SLC9A9: variants seen among roughly 807,000 people sequenced by gnomAD.
SLC9A9 encodes the protein sodium/hydrogen exchanger 9.
Under a neutral mutation model 77.8 loss-of-function variants are expected in SLC9A9, and 62 were observed. The ratio of observed to expected loss-of-function variants is 0.80; its 90% CI spans 0.65 to 0.98. The LOEUF (loss-of-function observed/expected upper bound fraction) is 0.98, where lower values mean the gene tolerates loss of function less well. Ranked by LOEUF, SLC9A9 falls within the 50% of genes least tolerant of loss-of-function variation. The pLI is 0.00. For synonymous variants in SLC9A9, 320 were observed against 283.5 expected, an observed-to-expected ratio of 1.13 and a Z score of -1.29; for missense variants, 775 against 774.9, an observed-to-expected ratio of 1.00 and a Z score of 0.00.
At chr3:143,560,239 C>T (rs755210705) in intron 8 of SLC9A9, among the ~76,000 whole-genome samples, 13 of 152,150 alleles carry the variant, frequency 8.5e-5, no homozygotes, top group Admixed American at 3.3e-4. Context: ...TCCATGATGC[C>T]GGCCCTTGGA....
intron 14 of SLC9A9, among the ~76,000 whole-genome samples, chr3:143,277,498 T>C (rs1938086230): frequency 6.6e-6 from 1 of 152,230 alleles, no homozygotes; most frequent in South Asian, 2.1e-4. Flanking sequence ...CATAGTGCCA[T>C]GGTAACAATA....
Position 143,730,502 on chromosome 3 carries a change from T to C in SLC9A9, c.534-37195A>G, listed in dbSNP as rs76117442. Among the ~76,000 whole-genome samples, 1,099 of 152,324 alleles carry C rather than the reference T, an allele frequency of 7.2e-3. 8 individuals are homozygous for C. The highest frequency in any genetic ancestry group is 0.025 in the African/African-American group (1,031 of 41,570). ...TTCCTACTGCCTAGAACATCCTTTCTTCTGGCCAAGTTCTGATCATTCTCT... is the reference window on the plus strand; with the variant it reads ...TTCCTACTGCCTAGAACATCCTTTCCTCTGGCCAAGTTCTGATCATTCTCT... On this transcript the variant is annotated intron_variant, in intron 4 of 15. Coordinates refer to ENST00000316549, the MANE Select transcript of SLC9A9 (RefSeq NM_173653.4).
intron 12 of SLC9A9, among the ~76,000 whole-genome samples, chr3:143,405,298 T>C (rs1375310742): frequency 6.6e-6 from 1 of 152,188 alleles, no homozygotes; most frequent in East Asian, 1.9e-4. Context: ...CCATTCCAAG[T>C]CAACTCTCTT....
At chr3:143,644,332 T>G in intron 6 of SLC9A9, among the ~76,000 whole-genome samples, 1 of 152,260 alleles carries the variant, frequency 6.6e-6, no homozygotes, top group African/African-American at 2.4e-5. Context: ...TAGGCCAATT[T>G]GTCACGCATG....
chr3:143,572,909 A>G (rs567190147), intron 8 of SLC9A9, among the ~76,000 whole-genome samples: 2 of 152,318 alleles, frequency 1.3e-5, no homozygotes, highest in East Asian at 3.9e-4. Context: ...TGGGGCTCCA[A>G]CTACTTCCTT....
At chr3:143,344,408 T>G (rs183090634) in intron 14 of SLC9A9, 4 of 152,308 alleles carry the variant, frequency 2.6e-5, no homozygotes, top group Admixed American at 2.6e-4. Context: ...TCTGTATTAC[T>G]CTCTGCTTTG....
intron 9 of SLC9A9, among the ~76,000 whole-genome samples, chr3:143,513,421 T>C (rs1371596144): frequency 6.6e-6 from 1 of 152,230 alleles, no homozygotes; most frequent in Non-Finnish European, 1.5e-5. Flanking sequence ...TTTTTAATTC[T>C]ATTTCTCTTG....
chr3:143,835,072 A>C (rs937572132), intron 1 of SLC9A9, among the ~76,000 whole-genome samples: 1 of 152,150 alleles, frequency 6.6e-6, no homozygotes, highest in African/African-American at 2.4e-5. Flanking sequence ...AATCTTGCCA[A>C]ACTTTTCCTA....
At chr3:143,699,748 T>G (rs1933742172) in intron 4 of SLC9A9, among the ~76,000 whole-genome samples, 1 of 152,094 alleles carries the variant, frequency 6.6e-6, no homozygotes, top group Non-Finnish European at 1.5e-5. Flanking sequence ...AAAGGCAGTC[T>G]AGGGTACAAG....
chr3:143,341,510 AAC>A (rs1334432035), intron 14 of SLC9A9, among the ~76,000 whole-genome samples: 1 of 152,168 alleles, frequency 6.6e-6, no homozygotes, highest in African/African-American at 2.4e-5. Flanking sequence ...CTGTGAATTT[AAC>A]ACACTTTTCA....
chr3:143,497,405 G>A (rs560795184), intron 9 of SLC9A9, among the ~76,000 whole-genome samples: 10 of 152,216 alleles, frequency 6.6e-5, no homozygotes, highest in Admixed American at 4.6e-4. Flanking sequence ...CACTCAAATC[G>A]GTGCATTTCT....
Position 143,563,583 on chromosome 3 carries a change from A to G in SLC9A9, c.1000+10505T>C, listed in dbSNP as rs148949706. On this transcript the variant is annotated intron_variant, in intron 8 of 15. Coordinates refer to ENST00000316549, the MANE Select transcript of SLC9A9 (RefSeq NM_173653.4). ...GAAGGTAGTCTGTTTAGTGGTTTTCAAATAGGGGTATATAAGACAATCCAA... is the reference window on the plus strand; with the variant it reads ...GAAGGTAGTCTGTTTAGTGGTTTTCGAATAGGGGTATATAAGACAATCCAA... Among the ~76,000 whole-genome samples the G allele has an allele frequency of 2.1e-3, 314 of 152,268 alleles. 5 individuals are homozygous for G. The East Asian group carries it at 0.046, about 22-fold the overall frequency.
chr3:143,825,097 C>G (rs1289567891), intron 2 of SLC9A9, among the ~76,000 whole-genome samples: 1 of 152,166 alleles, frequency 6.6e-6, no homozygotes, highest in African/African-American at 2.4e-5. Context: ...CTCCACACCC[C>G]CAATGCTGAT....
At chr3:143,317,767 A>T (rs370412784) in intron 14 of SLC9A9, among the ~76,000 whole-genome samples, 12 of 152,022 alleles carry the variant, frequency 7.9e-5, no homozygotes, top group African/African-American at 2.7e-4. Context: ...TCGCTCTGTC[A>T]CCCAGGCTGG....
intron 11 of SLC9A9, among the ~76,000 whole-genome samples, chr3:143,487,986 CT>C (rs1465729757): frequency 1.3e-5 from 2 of 151,068 alleles, no homozygotes; most frequent in East Asian, 3.9e-4. Flanking sequence ...ATTGACAAAC[CT>C]TTAACTAGAT....
At chr3:143,659,982 C>T (rs941691145) in intron 5 of SLC9A9, among the ~76,000 whole-genome samples, 1 of 152,206 alleles carries the variant, frequency 6.6e-6, no homozygotes, top group African/African-American at 2.4e-5. Context: ...CTCTCTCTTG[C>T]CTGCCACCGT....
chr3:143,441,473 C>T (rs551124954), intron 12 of SLC9A9, among the ~76,000 whole-genome samples: 1 of 152,200 alleles, frequency 6.6e-6, no homozygotes, highest in East Asian at 1.9e-4. Context: ...CACTTTCTTA[C>T]TAGACATTGG....
intron 9 of SLC9A9, among the ~76,000 whole-genome samples, chr3:143,510,802 G>T (rs1441542082): frequency 1.3e-5 from 2 of 152,202 alleles, no homozygotes; most frequent in East Asian, 3.9e-4. Context: ...TTTTCCTGGG[G>T]TCAAACTTGT....
chr3:143,635,534 A>T (rs972526400), intron 6 of SLC9A9, among the ~76,000 whole-genome samples: 1 of 152,334 alleles, frequency 6.6e-6, no homozygotes, highest in Admixed American at 6.5e-5. Flanking sequence ...TGGCACAGAG[A>T]AAAACCCCCG....
Sources: allele counts gnomAD v4.1 joint callset (sites outside exome capture counted in the v4.1 genomes callset), GRCh38; gene constraint gnomAD v4.1.1; transcripts MANE v1.5; gene names NCBI Gene and HGNC (gene_info 2026-07-23, HGNC 2026-07-21).